Variants in ADCK2 observed in about 807,000 individuals in gnomAD.
ADCK2 encodes the protein aarF domain containing kinase 2, also known as uncharacterized aarF domain-containing protein kinase 2.
ADCK2 carries 37 observed loss-of-function variants against 52.3 expected under a neutral mutation model. The observed-to-expected ratio is 0.71, with a 90% CI of 0.54 to 0.93. The LOEUF is 0.93. Among genes scored for constraint, ADCK2 ranks in the 40% least tolerant of loss-of-function variants. The pLI is 0.00. For missense variants in ADCK2, 695 were observed against 798.7 expected, an observed-to-expected ratio of 0.87 and a Z score of 1.56; for synonymous variants, 321 against 349.2, an observed-to-expected ratio of 0.92 and a Z score of 0.90.
rs749312736 is a variant in ADCK2, at chr7:140,674,881, G to A, written c.1080+124G>A. 6.9e-6 allele frequency: 8 copies of A among 1,156,188 alleles called. No individual in the cohort carries two copies. Among genetic ancestry groups the A allele is most frequent in the Non-Finnish European group, 9.5e-6 (8 of 844,496 alleles). 71.6% of individuals were successfully genotyped at this position (1,156,188 alleles called of 1,614,324 possible). On this transcript the variant is annotated intron_variant, in intron 2 of 7. Transcript: ENST00000072869. This position sits in a 1 kb window ranked among gnomAD's most constrained non-coding sequence, Gnocchi z 4.6. ...ATAACTCATGTGATGTGTTAGAGCT[G>A]GTAACACTAGCTGATAAAGAACATC...
In ADCK2 at chr7:140,673,680, A is replaced by G. The variant is rs137941874; in HGVS notation, c.350A>G (p.Tyr117Cys). The G allele has an allele frequency of 3.1e-4, 495 of 1,598,198 alleles. 1 individual carries two copies. Among genetic ancestry groups the G allele is most frequent in the Admixed American group, 1.4e-4 (8 of 58,790 alleles). The change falls in exon 1 of 8, where the codon TAC (tyrosine) becomes TGC (cysteine). Residue 117 changes from tyrosine to cysteine, a missense_variant. Physicochemically the swap from Tyr to Cys is radical, Grantham distance 194. Coordinates refer to ENST00000072869, the MANE Select transcript of ADCK2 (RefSeq NM_052853.4). The surrounding 1 kb of genome is among the most constrained non-coding windows in gnomAD (Gnocchi z 6.4). ...LVKFFPLLLL[Y>C]PLTYLAPSVS... ...AAATTCTTCCCCCTCCTACTCCTCT[A>G]CCCCCTCACCTACCTGGCTCCCAGC...
At chr7:140,687,713 C>CA (rs1183936231) in intron 5 of ADCK2, among the ~76,000 whole-genome samples, 94 of 131,846 alleles carry the variant, frequency 7.1e-4, no homozygotes, top group South Asian at 1.5e-3. Flanking sequence ...GACTCCATTT[C>CA]AAAAAAAAAA....
intron 4 of ADCK2, among the ~76,000 whole-genome samples, chr7:140,684,506 C>T (rs1794571943): frequency 6.6e-6 from 1 of 151,950 alleles, no homozygotes; most frequent in African/African-American, 2.4e-5. Context: ...CAGGAATGGG[C>T]GATGGGGTCG....
intron 3 of ADCK2, among the ~76,000 whole-genome samples, chr7:140,680,755 G>A (rs1794501758): frequency 6.6e-6 from 1 of 151,940 alleles, no homozygotes; most frequent in Non-Finnish European, 1.5e-5. Flanking sequence ...GTGCAGTGGC[G>A]CAATCTCAGC....
chr7:140,680,214 C>T (rs369486315), intron 3 of ADCK2, among the ~76,000 whole-genome samples: 14 of 151,650 alleles, frequency 9.2e-5, no homozygotes, highest in East Asian at 7.8e-4. Flanking sequence ...GGCATGATCT[C>T]GGCTCACTGC....
intron 4 of ADCK2, among the ~76,000 whole-genome samples, chr7:140,685,365 G>A (rs1168228619): frequency 3.3e-5 from 5 of 151,734 alleles, no homozygotes; most frequent in Admixed American, 6.6e-5. Flanking sequence ...CAGAAGAATC[G>A]CTTGAACCCA....
At chr7:140,686,915 T>A (rs1324882682) in intron 4 of ADCK2, 75 bp from the exon 5 acceptor site, 2 of 1,568,374 alleles carry the variant, frequency 1.3e-6, no homozygotes, top group Admixed American at 3.4e-5. Flanking sequence ...TATTGTCACC[T>A]GGCAACTTTC....
intron 3 of ADCK2, among the ~76,000 whole-genome samples, chr7:140,680,301 A>T (rs1585845993): frequency 1.3e-5 from 2 of 151,816 alleles, no homozygotes; most frequent in East Asian, 3.9e-4. Flanking sequence ...ACGAGCCACC[A>T]TCCCCATGTC....
At position 140,678,908 on chromosome 7, in the gene ADCK2, A is replaced by AG. The variant is rs1000947785; in HGVS notation, c.1081-246dup. Among the ~76,000 whole-genome samples the AG allele has an allele frequency of 2.0e-5, 3 of 152,164 alleles. No individual in the cohort carries two copies. The highest frequency in any genetic ancestry group is 7.2e-5 in the African/African-American group (3 of 41,432). ...GCAAGGGCGAGAGTAGCAGAGAAGC[A>AG]GTGCAGCCCAAAGCCCACCAGGGCA... is the stretch of plus-strand genomic sequence containing the variant. On this transcript the variant is annotated intron_variant, in intron 2 of 7. Coordinates refer to ENST00000072869, the MANE Select transcript of ADCK2 (RefSeq NM_052853.4). This position sits in a 1 kb window ranked among gnomAD's most constrained non-coding sequence, Gnocchi z 4.9.
intron 5 of ADCK2, 23 bp downstream of exon 5, chr7:140,687,264 A>G (rs1204870300): frequency 1.3e-6 from 2 of 1,527,574 alleles, no homozygotes; most frequent in Non-Finnish European, 1.8e-6. Flanking sequence ...GGGACCACAG[A>G]AGTTGGGGTG....
Position 140,674,810 on chromosome 7 carries a change from T to G in ADCK2, c.1080+53T>G, listed in dbSNP as rs1457180138. 1 of 1,567,152 alleles carries G rather than the reference T, an allele frequency of 6.4e-7. No homozygotes were observed. Among genetic ancestry groups the G allele is most frequent in the East Asian group, 2.3e-5 (1 of 44,094 alleles). ...TAGCACCTAACATAGTTCTTGCCAT[T>G]AGCTGCTACTTAGTAAATGTTGAAT... On this transcript the variant is annotated intron_variant, in intron 2 of 7. Transcript: ENST00000072869. The surrounding 1 kb of genome is among the most constrained non-coding windows in gnomAD (Gnocchi z 4.6).
chr7:140,691,950 C>T (rs73491672), intron 7 of ADCK2, among the ~76,000 whole-genome samples: 17,150 of 152,228 alleles, frequency 0.11, 1,127 homozygotes, highest in South Asian at 0.19. Context: ...GTGTTTGCTG[C>T]TGCTGCTGCT....
rs1226772110 is a variant in ADCK2 at position 140,694,660 on chromosome 7, C to T, written c.1741-3C>T. On this transcript the variant is annotated splice_polypyrimidine_tract_variant and splice_region_variant and intron_variant, in intron 7 of 7. Coordinates refer to ENST00000072869, the MANE Select transcript of ADCK2 (RefSeq NM_052853.4). ...GATGAACTGTTCTGTTTTTCTGTTCCAGGTAAAGCTTGAGAGCAACTTTGC... is the reference window on the plus strand; with the variant it reads ...GATGAACTGTTCTGTTTTTCTGTTCTAGGTAAAGCTTGAGAGCAACTTTGC... 1.6e-5 allele frequency: 26 copies of T among 1,612,950 alleles called. No individual in the cohort carries two copies. Among genetic ancestry groups the T allele is most frequent in the African/African-American group, 2.7e-5 (2 of 74,900 alleles).
intron 3 of ADCK2, among the ~76,000 whole-genome samples, 183 bp from the exon 4 acceptor site, chr7:140,680,859 T>C (rs1794503584): frequency 6.6e-6 from 1 of 152,016 alleles, no homozygotes. Flanking sequence ...CCTCCCAAGG[T>C]GCTAGGATTA....
Position 140,695,086 on chromosome 7 carries a change from G to A in ADCK2, c.*283G>A. On this transcript the variant is annotated 3_prime_UTR_variant, in exon 8 of 8. Coordinates refer to ENST00000072869, the MANE Select transcript of ADCK2 (RefSeq NM_052853.4). Reference sequence around the variant, plus strand: ...TCAGGGAAAATGTTATGTGGAGGAGGACGAATAAATTTATTTTGTTTTCCT... The same window carrying A: ...TCAGGGAAAATGTTATGTGGAGGAGAACGAATAAATTTATTTTGTTTTCCT... 8.5e-7 allele frequency: 1 copy of A among 1,172,794 alleles called. No individual in the cohort carries two copies. Among genetic ancestry groups the A allele is most frequent in the Non-Finnish European group, 1.1e-6 (1 of 950,482 alleles). 72.6% of individuals were successfully genotyped at this position (1,172,794 alleles called of 1,614,324 possible). A position where few individuals can be genotyped will look rare whatever the true frequency, so the allele number is the denominator to read the frequency against.
chr7:140,681,007 G>T (rs1227421349), intron 3 of ADCK2, 35 bp from the exon 4 acceptor site: 1 of 1,598,366 alleles, frequency 6.3e-7, no homozygotes, highest in South Asian at 1.1e-5. Flanking sequence ...CAGGCTGGCT[G>T]GGATTAAGCT....
At chr7:140,686,938 T>C (rs2130788522) in intron 4 of ADCK2, 52 bp from the exon 5 acceptor site, 3 of 1,591,142 alleles carry the variant, frequency 1.9e-6, no homozygotes, top group Non-Finnish European at 2.6e-6. Context: ...TCTCTGTAGG[T>C]TGGTGGTGCT....
rs1311664573 is a variant in ADCK2 at position 140,673,486 on chromosome 7, C to G, written c.156C>G (p.Ser52=). Residue 52 remains serine (S), a synonymous_variant, in exon 1 of 8, where the codon TCC becomes TCG. Coordinates refer to ENST00000072869, the MANE Select transcript of ADCK2 (RefSeq NM_052853.4). This position sits in a 1 kb window ranked among gnomAD's most constrained non-coding sequence, Gnocchi z 6.4. ...LLLGTLPKVV[S]LCGDVGEGAP... ...TGGGCACTTTGCCCAAGGTCGTCTC[C>G]CTGTGCGGGGACGTGGGTGAGGGGG... 3 of 1,607,212 alleles carry G rather than the reference C, an allele frequency of 1.9e-6. No homozygotes were observed. The highest frequency in any genetic ancestry group is 2.5e-6 in the Non-Finnish European group (3 of 1,178,084).
At chr7:140,688,561 C>A (rs562482739) in intron 5 of ADCK2, among the ~76,000 whole-genome samples, 1 of 152,344 alleles carries the variant, frequency 6.6e-6, no homozygotes, top group South Asian at 2.1e-4. Flanking sequence ...AGTGCTGTTT[C>A]GTGTTAGTAG....
Sources: gnomAD v4.1 joint callset for allele counts (sites outside exome capture counted in the v4.1 genomes callset) on GRCh38, gnomAD v4.1.1 for gene constraint, Gnocchi (gnomAD v3.1) non-coding constraint, MANE v1.5 for transcripts, NCBI Gene and HGNC (gene_info 2026-07-23, HGNC 2026-07-21) for gene names.